Variants in SULT2A1 observed in about 807,000 individuals in gnomAD.
SULT2A1 encodes sulfotransferase family 2A member 1, also known as sulfotransferase 2A1.
SULT2A1 carries 43 observed loss-of-function variants against 33.9 expected under a neutral mutation model. The observed-to-expected ratio is 1.27, with a 90% CI of 1.00 to 1.64. The LOEUF (loss-of-function observed/expected upper bound fraction) is 1.64, where lower values mean the gene tolerates loss of function less well. SULT2A1 is among the 40% of genes most tolerant of loss of function. SULT2A1 has a pLI of 0.00. For missense variants in SULT2A1, 300 were observed against 335.1 expected, an observed-to-expected ratio of 0.90 and a Z score of 0.82; for synonymous variants, 125 against 113.6, an observed-to-expected ratio of 1.10 and a Z score of -0.64.
At chr19:47,885,991 G>A (rs1968652045) in intron 1 of SULT2A1, 131 bp downstream of exon 1, 1 of 1,111,192 alleles carries the variant, frequency 9.0e-7, no homozygotes, top group African/African-American at 1.6e-5. Context: ...GATTGTCAAT[G>A]GTATTAGGCA....
rs772135573 is a variant in SULT2A1, at chr19:47,886,296, T to C, written c.-39A>G. 1 of 1,610,610 alleles carries C rather than the reference T, an allele frequency of 6.2e-7. No individual in the cohort carries two copies. Among genetic ancestry groups the C allele is most frequent in the Non-Finnish European group, 8.5e-7 (1 of 1,178,080 alleles). On this transcript the variant is annotated 5_prime_UTR_variant, in exon 1 of 6. Transcript: ENST00000222002. The stretch of plus-strand genomic sequence containing the variant: ...TCCTGCGTGGTGTGAGGGTTTCAAC[T>C]GTAGCCACCGCTGGAGGCTGTGGCA...
Position 47,883,715 on chromosome 19 carries a change from C to G in SULT2A1, c.207G>C (p.Val69=). 6.2e-7 allele frequency: 1 copy of G among 1,614,090 alleles called. No individual in the cohort carries two copies. Among genetic ancestry groups the G allele is most frequent in the Non-Finnish European group, 8.5e-7 (1 of 1,180,012 alleles). Residue 69 remains valine, a synonymous_variant, in exon 2 of 6, where the codon GTG becomes GTC. Coordinates refer to ENST00000222002, the MANE Select transcript of SULT2A1 (RefSeq NM_003167.4). The stretch of plus-strand genomic sequence containing the variant: ...CCCAGGGTGATCGCTCCCAGATGGG[C>G]ACAGATTGGATCCACTTGGCATCCC... ...SKGDAKWIQS[V]PIWERSPWVE...
intron 4 of SULT2A1, among the ~76,000 whole-genome samples, chr19:47,878,075 G>A (rs148601328): frequency 2.1e-4 from 31 of 150,914 alleles, no homozygotes; most frequent in African/African-American, 4.8e-5. Context: ...CCCTCTCAAC[G>A]CTTGGTTATC....
At chr19:47,877,984 C>G (rs571377454) in intron 4 of SULT2A1, among the ~76,000 whole-genome samples, 2 of 152,274 alleles carry the variant, frequency 1.3e-5, no homozygotes, top group African/African-American at 4.8e-5. Context: ...CTGTTCATAC[C>G]AGCCAAGCTG....
chr19:47,878,908 G>A, intron 4 of SULT2A1, 128 bp downstream of exon 4: 2 of 722,162 alleles, frequency 2.8e-6, no homozygotes, highest in South Asian at 3.1e-5. Flanking sequence ...CCTGCTCTTT[G>A]TGACTCTTCA....
intron 1 of SULT2A1, 102 bp from the exon 2 acceptor site, chr19:47,883,887 C>T (rs1257767740): frequency 2.8e-6 from 3 of 1,078,384 alleles, no homozygotes; most frequent in South Asian, 2.9e-5. Flanking sequence ...GGCAAGTGAT[C>T]ATGAGGTCAG....
At chr19:47,885,034 C>T (rs911756151) in intron 1 of SULT2A1, among the ~76,000 whole-genome samples, 6 of 152,202 alleles carry the variant, frequency 3.9e-5, no homozygotes, top group African/African-American at 1.4e-4. Flanking sequence ...TGGTGTCGAA[C>T]TCCTGACCTC....
At chr19:47,880,563 AT>A (rs1968594027) in intron 3 of SULT2A1, among the ~76,000 whole-genome samples, 12 of 144 alleles carry the variant, frequency 0.083, no homozygotes, top group Admixed American at 0.28. Context: ...TATGGAATAC[AT>A]TATTATTATT....
intron 4 of SULT2A1, among the ~76,000 whole-genome samples, chr19:47,876,768 TAAAA>T (rs34642376): frequency 1.2e-5 from 1 of 85,592 alleles, no homozygotes. Context: ...AGACTCTGTC[TAAAA>T]AAAAAAAAAA....
chr19:47,875,235 G>A (rs1301011925), intron 4 of SULT2A1, among the ~76,000 whole-genome samples: 2 of 151,258 alleles, frequency 1.3e-5, no homozygotes, highest in Non-Finnish European at 2.9e-5. Context: ...ATGAGGAGGA[G>A]GAGGAAGAAG....
chr19:47,873,037 C>T (rs768482746), intron 5 of SULT2A1, among the ~76,000 whole-genome samples: 12 of 152,070 alleles, frequency 7.9e-5, no homozygotes, highest in Non-Finnish European at 1.6e-4. Flanking sequence ...GCTGGGATTA[C>T]AGGCGTGAGC....
rs1968493115 is a variant in SULT2A1 at position 47,871,566 on chromosome 19, A to C, written c.747T>G (p.Gly249=). Residue 249 remains glycine (G), a splice_region_variant and synonymous_variant, in exon 6 of 6, where the codon GGT becomes GGG. Coordinates refer to ENST00000222002, the MANE Select transcript of SULT2A1 (RefSeq NM_003167.4). The part of the protein sequence containing the change: ...VVDKAQLLRK[G]VSGDWKNHFT... Reference sequence around the variant, plus strand: ...AGTGATTTTTCCAGTCCCCAGATACACCTGGAAACAAGAAGCAGAAACTCA... The same window carrying C: ...AGTGATTTTTCCAGTCCCCAGATACCCCTGGAAACAAGAAGCAGAAACTCA... 6 of 1,609,018 alleles carry C rather than the reference A, an allele frequency of 3.7e-6. No individual in the cohort carries two copies. The African/African-American group carries it at 8.0e-5, about 22-fold the overall frequency.
In SULT2A1 at chr19:47,870,470, A is replaced by T. The variant is rs1377460190; in HGVS notation, c.*985T>A. ...CCTTATGAAAGTTTTAGAAGCCTCCATAAACACCGTTTATTGTATATGGTT... is the reference window on the plus strand; with the variant it reads ...CCTTATGAAAGTTTTAGAAGCCTCCTTAAACACCGTTTATTGTATATGGTT... On this transcript the variant is annotated 3_prime_UTR_variant, in exon 6 of 6. Coordinates refer to ENST00000222002, the MANE Select transcript of SULT2A1 (RefSeq NM_003167.4). The T allele has an allele frequency of 6.8e-6, 1 of 147,992 alleles. No individual in the cohort carries two copies. Among genetic ancestry groups the T allele is most frequent in the Non-Finnish European group, 1.5e-5 (1 of 65,718 alleles). The allele number at this position is 147,992 out of a possible 1,614,324, so 9.2% of individuals were successfully genotyped here. A position where few individuals can be genotyped will look rare whatever the true frequency, so the allele number is the denominator to read the frequency against.
At chr19:47,871,941 G>T (rs560808529) in intron 5 of SULT2A1, among the ~76,000 whole-genome samples, 1 of 150,454 alleles carries the variant, frequency 6.6e-6, no homozygotes, top group Non-Finnish European at 1.5e-5. Flanking sequence ...TTGTAGAGAC[G>T]GAGTCTTGCT....
At chr19:47,881,051 T>C (rs1968598601) in intron 3 of SULT2A1, among the ~76,000 whole-genome samples, 2 of 151,946 alleles carry the variant, frequency 1.3e-5, no homozygotes, top group South Asian at 4.2e-4. Flanking sequence ...ATGTTTTTAT[T>C]TGAGATGGAG....
At chr19:47,873,826 T>C (rs558484416) in intron 5 of SULT2A1, among the ~76,000 whole-genome samples, 21 of 151,714 alleles carry the variant, frequency 1.4e-4, no homozygotes, top group African/African-American at 4.8e-4. Context: ...GGTTTCACCA[T>C]GTTAGCCAGG....
intron 4 of SULT2A1, among the ~76,000 whole-genome samples, chr19:47,876,259 G>T (rs1968543208): frequency 6.6e-6 from 1 of 152,052 alleles, no homozygotes; most frequent in Admixed American, 6.6e-5. Context: ...CAGGTGATCT[G>T]CCCACCTCAG....
chr19:47,879,181 G>T (rs780831616), intron 3 of SULT2A1, 51 bp from the exon 4 acceptor site: 19 of 1,070,706 alleles, frequency 1.8e-5, no homozygotes, highest in Middle Eastern at 2.0e-4. Context: ...ATGAGAGCAG[G>T]CATCCAGTCT....
intron 5 of SULT2A1, among the ~76,000 whole-genome samples, chr19:47,872,281 C>G: frequency 6.6e-6 from 1 of 152,130 alleles, no homozygotes; most frequent in South Asian, 2.1e-4. Flanking sequence ...CTCATGATCC[C>G]AGATCATGCC....
Sources: allele counts gnomAD v4.1 joint callset (sites outside exome capture counted in the v4.1 genomes callset), GRCh38; gene constraint gnomAD v4.1.1; transcripts MANE v1.5; gene names NCBI Gene and HGNC (gene_info 2026-07-23, HGNC 2026-07-21).